Variants in PTPN4 observed in about 807,000 individuals in gnomAD.
PTPN4 encodes the protein protein tyrosine phosphatase non-receptor type 4.
A neutral mutation model predicts 135.5 loss-of-function variants in PTPN4; 49 were observed. That is an observed-to-expected ratio of 0.36 (90% CI 0.29 to 0.46). PTPN4 has a LOEUF of 0.46. Among genes scored for constraint, PTPN4 ranks in the 20% least tolerant of loss-of-function variants. The pLI is 1.00. For synonymous variants in PTPN4, 333 were observed against 369.9 expected, an observed-to-expected ratio of 0.90 and a Z score of 1.14; for missense variants, 860 against 1,101.0, an observed-to-expected ratio of 0.78 and a Z score of 3.10.
chr2:119,900,593 T>A, intron 9 of PTPN4, 125 bp from the exon 10 acceptor site: 1 of 521,100 alleles, frequency 1.9e-6, no homozygotes, highest in Non-Finnish European at 3.3e-6. Flanking sequence ...TAATTAGTAT[T>A]CGGTTCTTTG....
At chr2:119,943,903 T>A (rs1679097928) in intron 15 of PTPN4, among the ~76,000 whole-genome samples, 1 of 152,076 alleles carries the variant, frequency 6.6e-6, no homozygotes, top group Admixed American at 6.5e-5. Flanking sequence ...ATAAACTGTT[T>A]CTTAAAGCTT....
At chr2:119,950,790 G>A (rs979394195) in intron 18 of PTPN4, among the ~76,000 whole-genome samples, 1 of 151,738 alleles carries the variant, frequency 6.6e-6, no homozygotes, top group Non-Finnish European at 1.5e-5. Context: ...TACCTTAATC[G>A]CTGTTTGTCT....
chr2:119,943,079 G>A (rs1007950747), intron 15 of PTPN4, among the ~76,000 whole-genome samples: 3 of 152,138 alleles, frequency 2.0e-5, no homozygotes, highest in Non-Finnish European at 2.9e-5. Context: ...GGGCATTGCT[G>A]TTCACTTGCT....
chr2:119,893,342 G>A (rs533653035), intron 9 of PTPN4, among the ~76,000 whole-genome samples: 14 of 152,144 alleles, frequency 9.2e-5, no homozygotes. Context: ...CAAAGCTTTT[G>A]GCCTGAACTT....
chr2:119,802,507 G>T (rs906772184), intron 1 of PTPN4, among the ~76,000 whole-genome samples: 2 of 152,152 alleles, frequency 1.3e-5, no homozygotes, highest in Admixed American at 6.5e-5. Context: ...TAATAAGGTG[G>T]ATTATATTGA....
At chr2:119,890,541 T>C (rs1678225610) in intron 9 of PTPN4, among the ~76,000 whole-genome samples, 1 of 152,192 alleles carries the variant, frequency 6.6e-6, no homozygotes, top group Admixed American at 6.5e-5. Flanking sequence ...GGTTTTGTTC[T>C]TTTCATATTG....
At chr2:119,815,030 T>C (rs1452744616) in intron 2 of PTPN4, among the ~76,000 whole-genome samples, 2 of 152,214 alleles carry the variant, frequency 1.3e-5, no homozygotes, top group East Asian at 3.8e-4. Flanking sequence ...GTGACCATAT[T>C]TCTTGTTTTA....
intron 13 of PTPN4, among the ~76,000 whole-genome samples, chr2:119,928,068 A>C (rs1465219128): frequency 6.6e-6 from 1 of 152,168 alleles, no homozygotes; most frequent in Non-Finnish European, 1.5e-5. Flanking sequence ...TTTTCTATGC[A>C]TATACTCATA....
intron 10 of PTPN4, among the ~76,000 whole-genome samples, chr2:119,905,419 C>T (rs1678472947): frequency 1.3e-5 from 2 of 152,038 alleles, no homozygotes; most frequent in African/African-American, 4.8e-5. Context: ...ATCAATTCAG[C>T]GAAAGGATAT....
intron 5 of PTPN4, among the ~76,000 whole-genome samples, chr2:119,879,091 TGAAA>T (rs1678031168): frequency 8.6e-6 from 1 of 116,002 alleles, no homozygotes; most frequent in Admixed American, 8.7e-5. Context: ...AGACTCCGTC[TGAAA>T]AAAAAAAAAA....
intron 2 of PTPN4, among the ~76,000 whole-genome samples, chr2:119,843,178 C>CT (rs1157434182): frequency 1.4e-5 from 2 of 142,366 alleles, no homozygotes; most frequent in African/African-American, 5.2e-5. Flanking sequence ...TTATATTGAG[C>CT]TTTTTTAGAA....
intron 1 of PTPN4, among the ~76,000 whole-genome samples, chr2:119,785,572 A>G (rs1299884075): frequency 6.6e-6 from 1 of 152,170 alleles, no homozygotes; most frequent in Admixed American, 6.5e-5. Context: ...TAAATAGTAT[A>G]TCCATTCCTG....
chr2:119,806,104 G>T (rs912603892), intron 1 of PTPN4, among the ~76,000 whole-genome samples: 1 of 151,868 alleles, frequency 6.6e-6, no homozygotes, highest in South Asian at 2.1e-4. Flanking sequence ...GGAACAACTG[G>T]TACCCGCCAC....
intron 20 of PTPN4, among the ~76,000 whole-genome samples, chr2:119,955,637 A>G (rs533454240): frequency 1.3e-5 from 2 of 152,260 alleles, no homozygotes; most frequent in African/African-American, 4.8e-5. Flanking sequence ...GCTATTATAT[A>G]CTTTAAAATC....
chr2:119,858,487 C>T (rs1401782917), intron 2 of PTPN4, among the ~76,000 whole-genome samples: 2 of 152,124 alleles, frequency 1.3e-5, no homozygotes, highest in African/African-American at 4.8e-5. Context: ...TTTTATTTTA[C>T]AAACAAAATA....
chr2:119,971,991 A>G (rs187866974), intron 26 of PTPN4, among the ~76,000 whole-genome samples: 1 of 152,260 alleles, frequency 6.6e-6, no homozygotes, highest in African/African-American at 2.4e-5. Context: ...ATTCTATTCC[A>G]TTGATTTGTA....
intron 2 of PTPN4, among the ~76,000 whole-genome samples, chr2:119,851,885 G>C (rs987929258): frequency 6.6e-6 from 1 of 152,194 alleles, no homozygotes; most frequent in Non-Finnish European, 1.5e-5. Context: ...GGTGGATGGG[G>C]AGAGCCCTCT....
intron 1 of PTPN4, among the ~76,000 whole-genome samples, chr2:119,804,801 G>A (rs1691438389): frequency 6.6e-6 from 1 of 152,158 alleles, no homozygotes; most frequent in Non-Finnish European, 1.5e-5. Context: ...ACCCAGTAAT[G>A]GGATCTTTGG....
At chr2:119,806,439 A>G (rs1366002804) in intron 1 of PTPN4, among the ~76,000 whole-genome samples, 1 of 152,220 alleles carries the variant, frequency 6.6e-6, no homozygotes, top group Non-Finnish European at 1.5e-5. Flanking sequence ...AGTCTCTGAT[A>G]AAACAGAGTT....
Sources: gnomAD v4.1 joint callset for allele counts (sites outside exome capture counted in the v4.1 genomes callset) on GRCh38, gnomAD v4.1.1 for gene constraint, MANE v1.5 for transcripts, NCBI Gene and HGNC (gene_info 2026-07-23, HGNC 2026-07-21) for gene names.